The following LRRTM4 variants were observed in gnomAD, a reference collection of about 807,000 sequenced individuals.
LRRTM4 encodes the protein leucine rich repeat transmembrane neuronal 4, also known as leucine-rich repeat transmembrane neuronal protein 4.
In LRRTM4, 25 loss-of-function variants were observed where a neutral mutation model predicts 47.6. The observed-to-expected ratio is 0.53, with a 90% confidence interval of 0.38 to 0.73. LRRTM4 has a LOEUF of 0.73. Ranked by LOEUF, LRRTM4 falls within the 30% of genes least tolerant of loss-of-function variation. The pLI is 0.00. For missense variants in LRRTM4, 638 were observed against 713.4 expected, an observed-to-expected ratio of 0.89 and a Z score of 1.20; for synonymous variants, 311 against 269.5, an observed-to-expected ratio of 1.15 and a Z score of -1.51.
chr2:76,775,700 G>C (rs1278068219), intron 3 of LRRTM4, among the ~76,000 whole-genome samples: 1 of 152,062 alleles, frequency 6.6e-6, no homozygotes, highest in East Asian at 1.9e-4. Context: ...AAACAGTGGA[G>C]TTAGCCTATC....
At chr2:76,901,641 A>G (rs1464086203) in intron 3 of LRRTM4, among the ~76,000 whole-genome samples, 1 of 152,190 alleles carries the variant, frequency 6.6e-6, no homozygotes, top group Non-Finnish European at 1.5e-5. Context: ...CTAGAGAAAG[A>G]TATAAAAGCC....
chr2:77,375,919 C>T (rs1009421886), intron 3 of LRRTM4, among the ~76,000 whole-genome samples: 2 of 151,730 alleles, frequency 1.3e-5, no homozygotes, highest in Non-Finnish European at 2.9e-5. Context: ...AATAGCAATT[C>T]CCCATTTCCC....
At chr2:77,269,801 G>A (rs1251005769) in intron 3 of LRRTM4, among the ~76,000 whole-genome samples, 1 of 152,120 alleles carries the variant, frequency 6.6e-6, no homozygotes, top group Admixed American at 6.5e-5. Flanking sequence ...TCAACAAAAA[G>A]CAAATAATAA....
chr2:77,049,122 T>TTATATATATATATATA (rs3058032), intron 3 of LRRTM4, among the ~76,000 whole-genome samples: 12 of 62,678 alleles, frequency 1.9e-4, no homozygotes, highest in East Asian at 9.5e-4. Flanking sequence ...ATTTCATTTT[T>TTATATATATATATATA]TATATATATA....
intron 3 of LRRTM4, among the ~76,000 whole-genome samples, chr2:76,779,355 G>C (rs1384469991): frequency 6.6e-6 from 1 of 151,090 alleles, no homozygotes; most frequent in African/African-American, 2.4e-5. Context: ...AATGTTGACA[G>C]TGGGGTGTTA....
chr2:77,013,710 T>G (rs1677957127), intron 3 of LRRTM4, among the ~76,000 whole-genome samples: 1 of 152,154 alleles, frequency 6.6e-6, no homozygotes, highest in Non-Finnish European at 1.5e-5. Flanking sequence ...CCAGTAAATT[T>G]ACACAATCTC....
rs559554040 is a variant in LRRTM4, at chr2:77,431,263, AT to A, written c.1551+87054del. Among the ~76,000 whole-genome samples the A allele has an allele frequency of 4.1e-4, 60 of 146,974 alleles. 4 individuals are homozygous for A. The highest frequency in any genetic ancestry group is 5.6e-4 in the African/African-American group (21 of 37,552). ...GAAATAAACTTCTATAAATAATACAATTTTTTTTTTGCTCAGAGTTCTGGAA... is the reference window on the plus strand; with the variant it reads ...GAAATAAACTTCTATAAATAATACAATTTTTTTTTGCTCAGAGTTCTGGAA... On this transcript the variant is annotated intron_variant, in intron 3 of 3. Coordinates refer to ENST00000409884, the MANE Select transcript of LRRTM4 (RefSeq NM_001134745.3).
intron 3 of LRRTM4, among the ~76,000 whole-genome samples, chr2:77,006,174 G>T (rs1207811951): frequency 6.6e-6 from 1 of 151,994 alleles, no homozygotes; most frequent in Non-Finnish European, 1.5e-5. Context: ...TTTAAACAAA[G>T]GACATTCGTT....
At chr2:77,433,364 T>C (rs1476849262) in intron 3 of LRRTM4, among the ~76,000 whole-genome samples, 1 of 152,132 alleles carries the variant, frequency 6.6e-6, no homozygotes, top group African/African-American at 2.4e-5. Context: ...TATAATATTA[T>C]ATTTTGAGAA....
At chr2:77,132,573 AGTCT>A (rs1429085943) in intron 3 of LRRTM4, among the ~76,000 whole-genome samples, 1 of 152,222 alleles carries the variant, frequency 6.6e-6, no homozygotes. Context: ...GTGAGGACCC[AGTCT>A]CTGCTCCTGG....
At chr2:77,211,390 G>T (rs1048040094) in intron 3 of LRRTM4, among the ~76,000 whole-genome samples, 13 of 152,132 alleles carry the variant, frequency 8.5e-5, no homozygotes, top group African/African-American at 3.1e-4. Context: ...GCCTCCTGCT[G>T]GTGCTTACAT....
At chr2:76,959,302 T>C (rs1239846675) in intron 3 of LRRTM4, among the ~76,000 whole-genome samples, 1 of 151,588 alleles carries the variant, frequency 6.6e-6, no homozygotes, top group Admixed American at 6.6e-5. Context: ...GCATTTTGAA[T>C]ATAGGGACCT....
intron 3 of LRRTM4, among the ~76,000 whole-genome samples, chr2:77,061,147 A>G (rs1288414903): frequency 6.6e-6 from 1 of 151,802 alleles, no homozygotes; most frequent in African/African-American, 2.4e-5. Flanking sequence ...CTATAAAATG[A>G]GTTGATTTTA....
rs917469727 is a variant in LRRTM4, at chr2:77,141,476, TG to T, written c.1551+376841del. On this transcript the variant is annotated intron_variant, in intron 3 of 3. Transcript: ENST00000409884. ...TCACACACCGTGGCCTGTCATGGGG[TG>T]GGGGGAGGGTGGAGGGATAGCATTA... Among the ~76,000 whole-genome samples, 6 of 40,710 alleles carry T rather than the reference TG, an allele frequency of 1.5e-4. No individual in the cohort carries two copies. In the Admixed American group the frequency reaches 1.7e-3, roughly 12 times the overall value. 26.7% of individuals were successfully genotyped at this position (40,710 alleles called of 152,430 possible).
chr2:76,807,408 GTATATATATA>G (rs1217096293), intron 3 of LRRTM4, among the ~76,000 whole-genome samples: 61 of 40,236 alleles, frequency 1.5e-3, no homozygotes, highest in East Asian at 6.5e-3. Context: ...ATGTATATAC[GTATATATATA>G]TATATACATA....
At chr2:77,125,879 C>A (rs1330267412) in intron 3 of LRRTM4, among the ~76,000 whole-genome samples, 2 of 148,236 alleles carry the variant, frequency 1.3e-5, no homozygotes, top group Non-Finnish European at 1.5e-5. Flanking sequence ...AATGTGTGTG[C>A]ACATATGTGT....
chr2:77,127,845 A>G (rs1162864245), intron 3 of LRRTM4, among the ~76,000 whole-genome samples: 1 of 152,208 alleles, frequency 6.6e-6, no homozygotes, highest in African/African-American at 2.4e-5. Flanking sequence ...AGCCTCAGAA[A>G]CAAATGTTTT....
In LRRTM4 at chr2:77,411,425, TC is replaced by T. The variant is rs1440275480; in HGVS notation, c.1551+106892del. 9.5e-4 allele frequency among the ~76,000 whole-genome samples: 64 copies of T among 67,498 alleles called. 1 individual carries two copies. The highest frequency in any genetic ancestry group is 4.6e-3 in the East Asian group (7 of 1,520). The allele number at this position is 67,498 out of a possible 152,430, so 44.3% of individuals were successfully genotyped here. ...TCTTTATTTCTCTCTTTCTTGTTTC[TC>T]TCTCTCTCTCTCTCTCTCTTTCTTC... On this transcript the variant is annotated intron_variant, in intron 3 of 3. Transcript: ENST00000409884.
intron 3 of LRRTM4, among the ~76,000 whole-genome samples, chr2:77,218,837 C>A (rs190061748): frequency 7.9e-5 from 12 of 151,994 alleles, no homozygotes; most frequent in Non-Finnish European, 1.3e-4. Context: ...AGTGCCAGAC[C>A]CAGACTGAGC....
Sources: allele counts gnomAD v4.1 joint callset (sites outside exome capture counted in the v4.1 genomes callset), GRCh38; gene constraint gnomAD v4.1.1; transcripts MANE v1.5; gene names NCBI Gene and HGNC (gene_info 2026-07-23, HGNC 2026-07-21).